Variants in DRC3 observed in about 807,000 individuals in gnomAD.
DRC3 encodes the protein dynein regulatory complex subunit 3.
Under a neutral mutation model 57.6 loss-of-function variants are expected in DRC3, and 45 were observed. The observed-to-expected ratio is 0.78, with a 90% CI of 0.62 to 1.00. The LOEUF (loss-of-function observed/expected upper bound fraction) is 1.00. DRC3 is among the 50% of genes least tolerant of loss of function. The pLI is 0.00. For missense variants in DRC3, 655 were observed against 675.2 expected (o/e 0.97, Z 0.33); for synonymous variants, 257 against 272.3 (o/e 0.94, Z 0.55).
At chr17:18,006,830 G>T (rs1471096822) in intron 11 of DRC3, 194 bp from the exon 12 acceptor site, 8 of 755,474 alleles carry the variant, frequency 1.1e-5, no homozygotes, top group Non-Finnish European at 1.6e-5. Flanking sequence ...AGGGGCCGAG[G>T]GTCCGTCCGA....
At chr17:17,982,154 A>G (rs1353122851) in intron 3 of DRC3, among the ~76,000 whole-genome samples, 1 of 151,494 alleles carries the variant, frequency 6.6e-6, no homozygotes, top group East Asian at 1.9e-4. Flanking sequence ...CACCACGCCC[A>G]ACTAATTTTT....
intron 12 of DRC3, among the ~76,000 whole-genome samples, chr17:18,012,734 G>A (rs1398577781): frequency 6.6e-6 from 1 of 151,030 alleles, no homozygotes; most frequent in African/African-American, 2.4e-5. Flanking sequence ...GAAAACAAGA[G>A]AAATGCTTTA....
chr17:18,001,910 T>G (rs1392713380), intron 9 of DRC3, among the ~76,000 whole-genome samples: 1 of 152,218 alleles, frequency 6.6e-6, no homozygotes, highest in Non-Finnish European at 1.5e-5. Flanking sequence ...CTTATGCATG[T>G]AATCCCAGCA....
intron 5 of DRC3, among the ~76,000 whole-genome samples, chr17:17,991,724 G>T (rs992113443): frequency 1.3e-5 from 2 of 152,138 alleles, no homozygotes; most frequent in Non-Finnish European, 1.5e-5. Context: ...TAGAGTGTAG[G>T]GAGAATAAAT....
At position 18,016,102 on chromosome 17, in the gene DRC3, G is replaced by A. The variant is rs919118825; in HGVS notation, c.1365G>A (p.Gly455=). ...VDKDTIVNAV[G]ASHDIHLLKI... Reference sequence around the variant, plus strand: ...AAGATACGATTGTTAATGCTGTCGGGGCATCGCACGACATCCACCTCCTGA... The same window carrying A: ...AAGATACGATTGTTAATGCTGTCGGAGCATCGCACGACATCCACCTCCTGA... Residue 455 remains glycine (G), a synonymous_variant, in exon 13 of 14, where the codon GGG becomes GGA. Coordinates refer to ENST00000399187, the MANE Select transcript of DRC3 (RefSeq NM_031294.4). The A allele has an allele frequency of 7.4e-6, 12 of 1,613,926 alleles. No homozygotes were observed. The highest frequency in any genetic ancestry group is 1.0e-5 in the Non-Finnish European group (12 of 1,179,858).
chr17:18,001,654 G>C (rs2043735851), intron 9 of DRC3, among the ~76,000 whole-genome samples: 1 of 152,028 alleles, frequency 6.6e-6, no homozygotes, highest in African/African-American at 2.4e-5. Context: ...TTTTTGGCTG[G>C]GGGAGGTGGT....
intron 4 of DRC3, among the ~76,000 whole-genome samples, chr17:17,985,353 A>G (rs2042910633): frequency 6.6e-6 from 1 of 152,134 alleles, no homozygotes. Flanking sequence ...GCTCCCTGGG[A>G]TGGGGGTGCT....
At chr17:17,982,487 T>C (rs888091999) in intron 3 of DRC3, among the ~76,000 whole-genome samples, 1 of 152,070 alleles carries the variant, frequency 6.6e-6, no homozygotes, top group Non-Finnish European at 1.5e-5. Flanking sequence ...AGTGCTGGGA[T>C]TACAGGCGTG....
At chr17:17,984,064 G>A in intron 4 of DRC3, 120 bp downstream of exon 4, 1 of 639,076 alleles carries the variant, frequency 1.6e-6, no homozygotes, top group Non-Finnish European at 2.7e-6. Flanking sequence ...CATTAGCCAG[G>A]GTACGGCAGA....
At chr17:17,996,730 C>G (rs1405547569) in intron 8 of DRC3, among the ~76,000 whole-genome samples, 1 of 152,196 alleles carries the variant, frequency 6.6e-6, no homozygotes, top group Non-Finnish European at 1.5e-5. Context: ...TTTCTGCCAG[C>G]TGGTGACCCA....
At chr17:17,989,165 A>G (rs1212895854) in intron 5 of DRC3, among the ~76,000 whole-genome samples, 3 of 152,208 alleles carry the variant, frequency 2.0e-5, no homozygotes, top group Non-Finnish European at 2.9e-5. Context: ...GCCATCCAGC[A>G]GAAGGAAAAG....
intron 4 of DRC3, 91 bp from the exon 5 acceptor site, chr17:17,987,841 C>T (rs1568476690): frequency 1.5e-6 from 2 of 1,372,078 alleles, no homozygotes; most frequent in Non-Finnish European, 2.0e-6. Flanking sequence ...TGCTGGCTCA[C>T]AGGGCACTCA....
Position 17,977,610 on chromosome 17 carries a change from G to A in DRC3, c.12G>A (p.Pro4=), listed in dbSNP as rs373716910. ...AAACGTGGGGGAAGATGAACCAGCC[G>A]TGCAACTCGATGGAGCCGAGGGTGA... is the stretch of plus-strand genomic sequence containing the variant. MNQ[P]CNSMEPRVMD... Residue 4 remains proline, a synonymous_variant, in exon 3 of 14, where the codon CCG becomes CCA. Transcript: ENST00000399187. 5.0e-5 allele frequency: 80 copies of A among 1,613,824 alleles called. No homozygotes were observed. The highest frequency in any genetic ancestry group is 1.1e-4 in the African/African-American group (8 of 74,890).
chr17:17,977,370 C>T (rs2042435876), intron 2 of DRC3: 3 of 558,434 alleles, frequency 5.4e-6, no homozygotes, highest in Non-Finnish European at 6.4e-6. Flanking sequence ...GGGATGAAAC[C>T]CTGTGGACAG....
At chr17:17,975,261 G>A (rs2042327733) in intron 2 of DRC3, among the ~76,000 whole-genome samples, 1 of 150,054 alleles carries the variant, frequency 6.7e-6, no homozygotes, top group African/African-American at 2.5e-5. Flanking sequence ...CCAGGCTAGA[G>A]TGCAGTGGTG....
intron 4 of DRC3, among the ~76,000 whole-genome samples, chr17:17,985,988 T>G (rs577339159): frequency 2.0e-5 from 3 of 152,170 alleles, no homozygotes; most frequent in Non-Finnish European, 4.4e-5. Flanking sequence ...CTCAGCTCAC[T>G]ATAACCTCTG....
At chr17:17,981,965 G>T (rs2042712896) in intron 3 of DRC3, among the ~76,000 whole-genome samples, 1 of 151,962 alleles carries the variant, frequency 6.6e-6, no homozygotes, top group Non-Finnish European at 1.5e-5. Flanking sequence ...TGGGATTACA[G>T]GTGTGTGCCA....
At chr17:18,002,567 A>G (rs2043781336) in intron 9 of DRC3, among the ~76,000 whole-genome samples, 1 of 152,112 alleles carries the variant, frequency 6.6e-6, no homozygotes, top group Non-Finnish European at 1.5e-5. Context: ...TGTGGGTTCA[A>G]TTCATCTCCT....
intron 5 of DRC3, among the ~76,000 whole-genome samples, chr17:17,991,435 C>T (rs2043224057): frequency 6.6e-6 from 1 of 151,306 alleles, no homozygotes; most frequent in African/African-American, 2.4e-5. Context: ...GGACTATAGG[C>T]GCCTGCCACC....
Sources: gnomAD v4.1 joint callset for allele counts (sites outside exome capture counted in the v4.1 genomes callset) on GRCh38, gnomAD v4.1.1 for gene constraint, MANE v1.5 for transcripts, NCBI Gene and HGNC (gene_info 2026-07-23, HGNC 2026-07-21) for gene names.